Variants in BLTP1 observed in about 807,000 individuals in gnomAD.
BLTP1 encodes the protein fragile site-associated protein.
chr4:122,235,738 G>T, the BLTP1 span: 4 of 152,274 alleles, frequency 2.6e-5, no homozygotes, highest in African/African-American at 7.2e-5. Context: ...GCGGGACGCG[G>T]AGCTTGCAGG....
the BLTP1 span, among the ~76,000 whole-genome samples, chr4:122,323,172 A>G: frequency 6.6e-6 from 1 of 152,066 alleles, no homozygotes. Context: ...TTACTTGTGC[A>G]TCTCTGTCCT....
the BLTP1 span, chr4:122,316,641 A>G: frequency 1.2e-5 from 18 of 1,499,686 alleles, no homozygotes; most frequent in Non-Finnish European, 1.5e-5. Context: ...TGATTCTTGC[A>G]TGCTTTGATT....
chr4:122,219,500 T>C, the BLTP1 span: 2 of 1,614,036 alleles, frequency 1.2e-6, no homozygotes, highest in Non-Finnish European at 1.7e-6. Flanking sequence ...ATTCATCCAC[T>C]TGCCTTGCGT....
chr4:122,289,209 C>T, the BLTP1 span: 1 of 1,544,156 alleles, frequency 6.5e-7, no homozygotes, highest in South Asian at 1.2e-5. Context: ...TGATCTAGTA[C>T]CTTATAGTAT....
the BLTP1 span, chr4:122,171,958 G>A: frequency 1.0e-6 from 1 of 982,602 alleles, no homozygotes; most frequent in East Asian, 1.1e-4. Context: ...TTGCCATTCT[G>A]AAGGACTCAT....
At chr4:122,307,944 A>G in the BLTP1 span, 1 of 1,611,908 alleles carries the variant, frequency 6.2e-7, no homozygotes, top group South Asian at 1.1e-5. Context: ...CTTAATTATC[A>G]AAAGCTGTGC....
the BLTP1 span, chr4:122,346,598 C>T: frequency 6.2e-7 from 1 of 1,606,428 alleles, no homozygotes; most frequent in Non-Finnish European, 8.5e-7. Flanking sequence ...GAAATCTGTA[C>T]TAACAAATGT....
At chr4:122,311,389 T>C in the BLTP1 span, among the ~76,000 whole-genome samples, 7 of 152,158 alleles carry the variant, frequency 4.6e-5, no homozygotes, top group African/African-American at 1.7e-4. Context: ...CAGAAGGAGA[T>C]AAGCAGAGTA....
the BLTP1 span, chr4:122,316,472 G>A: frequency 2.0e-6 from 1 of 500,370 alleles, no homozygotes. Flanking sequence ...GAGTATCTGT[G>A]TGACCCAGAG....
At chr4:122,179,211 A>G in the BLTP1 span, among the ~76,000 whole-genome samples, 1 of 152,116 alleles carries the variant, frequency 6.6e-6, no homozygotes, top group African/African-American at 2.4e-5. Flanking sequence ...GAGTTACAGT[A>G]AGCTATGATT....
chr4:122,315,423 C>A, the BLTP1 span: 2 of 1,612,012 alleles, frequency 1.2e-6, no homozygotes, highest in Non-Finnish European at 1.7e-6. Flanking sequence ...ATTTCTATAC[C>A]CAGGACTTAA....
the BLTP1 span, chr4:122,339,350 T>G: frequency 6.2e-7 from 1 of 1,613,468 alleles, no homozygotes; most frequent in Non-Finnish European, 8.5e-7. Context: ...CTTTATCCCC[T>G]GGAGGTAATG....
At chr4:122,301,224 ATT>A in the BLTP1 span, 1 of 1,292,854 alleles carries the variant, frequency 7.7e-7, no homozygotes, top group Non-Finnish European at 1.0e-6. Flanking sequence ...TTTTGTGAGG[ATT>A]TTTTTTTAAT....
the BLTP1 span, among the ~76,000 whole-genome samples, chr4:122,158,766 G>A: frequency 4.6e-5 from 7 of 151,844 alleles, no homozygotes; most frequent in Non-Finnish European, 1.0e-4. Flanking sequence ...GCGAGACTCC[G>A]TCTCAAAAAA....
At chr4:122,344,970 A>G in the BLTP1 span, 1 of 984,816 alleles carries the variant, frequency 1.0e-6, no homozygotes, top group Non-Finnish European at 1.2e-6. Flanking sequence ...TGCTGGTTTT[A>G]TAAACATCTA....
chr4:122,226,886 A>G, the BLTP1 span: 1 of 1,415,766 alleles, frequency 7.1e-7, no homozygotes, highest in East Asian at 2.6e-5. Context: ...GAATTTTAAA[A>G]AATGGAATAT....
chr4:122,189,319 A>G, the BLTP1 span: 1 of 980,320 alleles, frequency 1.0e-6, no homozygotes, highest in Admixed American at 6.2e-5. Flanking sequence ...TGATGTATGT[A>G]TGACAAAGAG....
the BLTP1 span, chr4:122,269,083 A>G: frequency 4.1e-6 from 4 of 966,002 alleles, no homozygotes; most frequent in Admixed American, 1.8e-4. Context: ...ATACCTACAC[A>G]TACTCTCTAG....
chr4:122,286,695 T>C, the BLTP1 span: 2 of 1,613,808 alleles, frequency 1.2e-6, no homozygotes, highest in South Asian at 1.1e-5. Flanking sequence ...AAGAACATGA[T>C]AGTTATTCGG....
Sources: allele counts gnomAD v4.1 joint callset (sites outside exome capture counted in the v4.1 genomes callset), GRCh38; gene constraint gnomAD v4.1.1; transcripts MANE v1.5; gene names NCBI Gene and HGNC (gene_info 2026-07-23, HGNC 2026-07-21).